Variants in MAST4 observed in about 807,000 individuals in gnomAD.
MAST4 encodes microtubule-associated serine/threonine-protein kinase 4.
Under a neutral mutation model 162.7 loss-of-function variants are expected in MAST4, and 89 were observed. That is an observed-to-expected ratio of 0.55 (90% CI 0.46 to 0.65). The LOEUF (loss-of-function observed/expected upper bound fraction) is 0.65. Ranked by LOEUF, MAST4 falls within the 30% of genes least tolerant of loss-of-function variation. The pLI, the probability that MAST4 is intolerant of heterozygous loss-of-function variation, is 0.00. For synonymous variants in MAST4, 1,479 were observed against 1,361.1 expected, an observed-to-expected ratio of 1.09 and a Z score of -1.91; for missense variants, 3,153 against 3,374.0, an observed-to-expected ratio of 0.93 and a Z score of 1.62.
At chr5:67,130,440 A>G in intron 15 of MAST4, 22 bp downstream of exon 15, 2 of 1,609,746 alleles carry the variant, frequency 1.2e-6, no homozygotes, top group Non-Finnish European at 1.7e-6. Flanking sequence ...GGAAAACATG[A>G]CACCTGTACC....
chr5:67,044,601 A>G (rs931551832), intron 4 of MAST4, among the ~76,000 whole-genome samples: 4 of 152,088 alleles, frequency 2.6e-5, no homozygotes, highest in African/African-American at 9.7e-5. Context: ...TGTAATCTCA[A>G]ACTCTTAGGA....
intron 12 of MAST4, among the ~76,000 whole-genome samples, chr5:67,117,968 AAAT>A (rs1472086699): frequency 6.6e-6 from 1 of 152,216 alleles, no homozygotes; most frequent in Non-Finnish European, 1.5e-5. Context: ...GATTAATAAT[AAAT>A]AATCAACATT....
chr5:66,934,406 G>A (rs538294636), intron 4 of MAST4, among the ~76,000 whole-genome samples: 1 of 152,074 alleles, frequency 6.6e-6, no homozygotes, highest in African/African-American at 2.4e-5. Flanking sequence ...CAGGGAAATT[G>A]AAGTAGTAAT....
At chr5:67,021,360 G>A (rs1030230) in intron 4 of MAST4, among the ~76,000 whole-genome samples, 131 of 152,264 alleles carry the variant, frequency 8.6e-4, no homozygotes, top group African/African-American at 3.0e-3. Context: ...AGATTGCAAC[G>A]TATCCCAATT....
At chr5:66,788,607 C>CCCACCAA in intron 2 of MAST4, 63 bp from the exon 3 acceptor site, 4 of 1,373,716 alleles carry the variant, frequency 2.9e-6, no homozygotes, top group Non-Finnish European at 4.1e-6. Context: ...CCCCCACCCC[C>CCCACCAA]ATTGCAATAA....
Position 66,807,054 on chromosome 5 carries a change from C to T in MAST4, c.642+18260C>T, listed in dbSNP as rs180724534. On this transcript the variant is annotated intron_variant, in intron 3 of 28. Transcript: ENST00000403625. ...AAAAAGCTTTTAATTTTTGTGGGTA[C>T]ATAATAGGTGCATATAGTCATGGGT... 9.2e-5 allele frequency among the ~76,000 whole-genome samples: 14 copies of T among 152,238 alleles called. No homozygotes were observed. The East Asian group carries it at 2.5e-3, about 27-fold the overall frequency.
intron 4 of MAST4, among the ~76,000 whole-genome samples, chr5:66,910,970 T>C (rs189873601): frequency 1.1e-4 from 17 of 152,218 alleles, no homozygotes; most frequent in Admixed American, 5.2e-4. Context: ...ATGGTCTCAA[T>C]CTCTTGACTT....
chr5:67,158,100 TCAC>T (rs1234406308), intron 26 of MAST4, among the ~76,000 whole-genome samples: 1 of 151,916 alleles, frequency 6.6e-6, no homozygotes, highest in East Asian at 1.9e-4. Flanking sequence ...CCCCTTTCCT[TCAC>T]CACAGGAAAT....
chr5:66,743,008 C>T (rs1288903517), intron 1 of MAST4, among the ~76,000 whole-genome samples: 2 of 152,206 alleles, frequency 1.3e-5, no homozygotes, highest in African/African-American at 2.4e-5. Flanking sequence ...AATGCACTCT[C>T]ACTTCAGGGC....
In MAST4 at chr5:66,596,818, G is replaced by A; in HGVS notation, c.163G>A (p.Gly55Ser). 7.6e-7 allele frequency: 1 copy of A among 1,318,408 alleles called. No homozygotes were observed. Among genetic ancestry groups the A allele is most frequent in the African/African-American group, 1.5e-5 (1 of 65,096 alleles). The allele number at this position is 1,318,408 out of a possible 1,614,324, so 81.7% of individuals were successfully genotyped here. ...AACTCTGTCGGAGGAAGGGGAGCCCGGCGGCTTCTCCAGAGAGCATCAGCC... is the reference window on the plus strand; with the variant it reads ...AACTCTGTCGGAGGAAGGGGAGCCCAGCGGCTTCTCCAGAGAGCATCAGCC... ...SETLSEEGEPGGFSREHQPPP... is the reference protein window; with the variant it reads ...SETLSEEGEPSGFSREHQPPP... Residue 55 changes from glycine (G) to serine (S), a missense_variant, in exon 1 of 29, where the codon GGC becomes AGC. By Grantham distance (56) the Gly-to-Ser change is moderately conservative. Around this residue, in one of 7 missense-constraint regions of MAST4, gnomAD observed 327 missense variants for 336.5 expected, o/e 0.97. Transcript: ENST00000403625.
intron 3 of MAST4, among the ~76,000 whole-genome samples, chr5:66,894,746 T>A (rs751079420): frequency 1.1e-4 from 16 of 151,984 alleles, no homozygotes; most frequent in Non-Finnish European, 1.6e-4. Flanking sequence ...CTATGTGGGG[T>A]TTGGGAGTGG....
At chr5:66,782,446 A>C (rs1018768344) in intron 2 of MAST4, among the ~76,000 whole-genome samples, 1 of 152,250 alleles carries the variant, frequency 6.6e-6, no homozygotes, top group African/African-American at 2.4e-5. Flanking sequence ...TCTGTTAACT[A>C]GAGGCCCTTT....
At chr5:66,982,039 G>C (rs1480757083) in intron 4 of MAST4, among the ~76,000 whole-genome samples, 2 of 152,180 alleles carry the variant, frequency 1.3e-5, no homozygotes, top group East Asian at 3.8e-4. Flanking sequence ...AGAATAGGTA[G>C]AGTTGTTTGA....
At chr5:67,140,313 C>A (rs557023856) in intron 19 of MAST4, among the ~76,000 whole-genome samples, 33 of 152,338 alleles carry the variant, frequency 2.2e-4, no homozygotes, top group African/African-American at 7.5e-4. Flanking sequence ...CTTTCGTATT[C>A]TGTTTCTCCA....
At chr5:66,801,004 C>T (rs2149696332) in intron 3 of MAST4, among the ~76,000 whole-genome samples, 1 of 152,244 alleles carries the variant, frequency 6.6e-6, no homozygotes, top group Admixed American at 6.5e-5. Context: ...ATATTCCCAT[C>T]TTTTTTTGCC....
chr5:66,705,838 A>G (rs1750093423), intron 1 of MAST4, among the ~76,000 whole-genome samples: 1 of 152,156 alleles, frequency 6.6e-6, no homozygotes, highest in African/African-American at 2.4e-5. Flanking sequence ...TACTTGCTAT[A>G]TGTTAGGCAG....
rs1385119105 is a variant in MAST4, at chr5:66,747,126, GTGTGTA to G, written c.364-12579_364-12574del. Among the ~76,000 whole-genome samples the G allele has an allele frequency of 2.0e-5, 3 of 150,940 alleles. No homozygotes were observed. In the East Asian group the frequency reaches 5.8e-4, roughly 29 times the overall value. ...TGTGTGTGTGTGTGTGTGTGTGTGT[GTGTGTA>G]TGTATGTGTGTGTAGAGAAAAGGAA... On this transcript the variant is annotated intron_variant, in intron 1 of 28. Transcript: ENST00000403625.
At chr5:67,038,972 T>G (rs1581293849) in intron 4 of MAST4, among the ~76,000 whole-genome samples, 2 of 152,196 alleles carry the variant, frequency 1.3e-5, no homozygotes, top group East Asian at 3.9e-4. Flanking sequence ...CACTGTTTCT[T>G]TTATGTAAAC....
Position 67,136,668 on chromosome 5 carries a change from A to G in MAST4, c.2494+4A>G. Reference sequence around the variant, plus strand: ...CCCCTGGAGAGGCTGGGAACAGGTTAGAGCCCATGTGTTTTAATTTTGCTA... The same window carrying G: ...CCCCTGGAGAGGCTGGGAACAGGTTGGAGCCCATGTGTTTTAATTTTGCTA... On this transcript the variant is annotated splice_donor_region_variant and intron_variant, in intron 19 of 28. Transcript: ENST00000403625. 1.9e-6 allele frequency: 3 copies of G among 1,585,648 alleles called. No homozygotes were observed. Among genetic ancestry groups the G allele is most frequent in the Non-Finnish European group, 2.6e-6 (3 of 1,163,896 alleles).
Sources: gnomAD v4.1 joint callset for allele counts (sites outside exome capture counted in the v4.1 genomes callset) on GRCh38, gnomAD v4.1.1 for gene constraint, gnomAD v4.1.1 regional missense constraint, MANE v1.5 for transcripts, NCBI Gene and HGNC (gene_info 2026-07-23, HGNC 2026-07-21) for gene names.